GPAM: variants seen among roughly 807,000 people sequenced by gnomAD.
The protein encoded by GPAM is glycerol-3-phosphate acyltransferase, mitochondrial.
Under a neutral mutation model 105.0 loss-of-function variants are expected in GPAM, and 56 were observed. The observed-to-expected ratio is 0.53, with a 90% CI of 0.43 to 0.67. The LOEUF is 0.67. GPAM is among the 30% of genes least tolerant of loss of function. The pLI is 0.00. For synonymous variants in GPAM, 368 were observed against 354.4 expected, an observed-to-expected ratio of 1.04 and a Z score of -0.43; for missense variants, 855 against 989.8, an observed-to-expected ratio of 0.86 and a Z score of 1.83.
At chr10:112,174,526 T>C (rs543253775) in intron 6 of GPAM, among the ~76,000 whole-genome samples, 1 of 152,326 alleles carries the variant, frequency 6.6e-6, no homozygotes, top group South Asian at 2.1e-4. Flanking sequence ...TCCCAGTTAC[T>C]AGTCAAAACA....
chr10:112,174,308 T>C (rs182031088), intron 6 of GPAM, among the ~76,000 whole-genome samples: 146 of 152,316 alleles, frequency 9.6e-4, no homozygotes, highest in African/African-American at 3.4e-3. Flanking sequence ...TGTAAAACTC[T>C]GGGAGGGACC....
intron 1 of GPAM, among the ~76,000 whole-genome samples, chr10:112,208,676 G>A (rs754405323): frequency 3.3e-5 from 5 of 152,042 alleles, no homozygotes; most frequent in Admixed American, 6.5e-5. Context: ...AATGCTTCTC[G>A]GACTCTGAGC....
rs10528337 is a variant in GPAM at position 112,200,167 on chromosome 10, A to AATATATAT, written n.210+14993_210+15000dup. ...ACACATATTTACACATTGTAAAGGA[A>AATATATAT]ATATATATATATATATATATATATA... On this transcript the variant is annotated intron_variant and non_coding_transcript_variant, in intron 1 of 3. Transcript: ENST00000480130. 4.0e-3 allele frequency among the ~76,000 whole-genome samples: 347 copies of AATATATAT among 87,152 alleles called. 1 individual carries two copies. Among genetic ancestry groups the AATATATAT allele is most frequent in the Non-Finnish European group, 5.1e-3 (205 of 40,192 alleles). The allele number at this position is 87,152 out of a possible 152,430, so 57.2% of individuals were successfully genotyped here.
Position 112,163,746 on chromosome 10 carries a change from G to C in GPAM, c.1378C>G (p.Leu460Val), listed in dbSNP as rs149471678. 1,019 of 1,601,346 alleles carry C rather than the reference G, an allele frequency of 6.4e-4. 6 individuals are homozygous for C. In the African/African-American group the frequency reaches 0.011, roughly 18 times the overall value. ...NESRNATDES[L>V]RRRLIANLAE... ...AGATTTGCAATCAACCTCCTTCGTA[G>C]GGATTCATCTGTTGCATTTCTGGAC... The change falls in exon 14 of 22, where the codon CTA becomes GTA. Residue 460 changes from leucine (L) to valine (V), a missense_variant. Coordinates refer to ENST00000348367, the MANE Select transcript of GPAM (RefSeq NM_001244949.2).
intron 1 of GPAM, among the ~76,000 whole-genome samples, chr10:112,214,812 C>G (rs1847950563): frequency 6.6e-6 from 1 of 152,144 alleles, no homozygotes. Context: ...CATAAACTGT[C>G]CAAAACCTTC....
In GPAM at chr10:112,151,409, C is replaced by A; in HGVS notation, c.*2141G>T. On this transcript the variant is annotated 3_prime_UTR_variant, in exon 22 of 22. Coordinates refer to ENST00000348367, the MANE Select transcript of GPAM (RefSeq NM_001244949.2). ...TCAAAGGTCAGCTTGTCTGGATGAG[C>A]ATAACTTTGGTTGAGATTTTTCTCC... is the stretch of plus-strand genomic sequence containing the variant. 1.0e-6 allele frequency: 1 copy of A among 985,766 alleles called. No homozygotes were observed. The highest frequency in any genetic ancestry group is 4.7e-5 in the South Asian group (1 of 21,280). The allele number at this position is 985,766 out of a possible 1,614,324, so 61.1% of individuals were successfully genotyped here.
At chr10:112,174,138 C>T (rs1009497560) in intron 6 of GPAM, among the ~76,000 whole-genome samples, 12 of 151,838 alleles carry the variant, frequency 7.9e-5, no homozygotes, top group Non-Finnish European at 1.2e-4. Flanking sequence ...ATGAGGGACA[C>T]GAAATTGTAC....
chr10:112,153,698 A>G, intron 21 of GPAM, 32 bp from the exon 22 acceptor site: 1 of 1,598,576 alleles, frequency 6.3e-7, no homozygotes, highest in Non-Finnish European at 8.5e-7. Context: ...AATTAAAGGC[A>G]AAAAATAAAA....
At chr10:112,172,650 CTTA>C (rs1393862042) in intron 8 of GPAM, among the ~76,000 whole-genome samples, 3 of 152,176 alleles carry the variant, frequency 2.0e-5, no homozygotes, top group African/African-American at 4.8e-5. Context: ...GGGCAAGTCA[CTTA>C]TTATCTGCCA....
At chr10:112,216,561 T>G (rs1847971041), upstream of GPAM, among the ~76,000 whole-genome samples, 1 of 152,206 alleles carries the variant, frequency 6.6e-6, no homozygotes, top group African/African-American at 2.4e-5. Flanking sequence ...GGGCTCCTAC[T>G]GGGGAAAGGA....
chr10:112,172,640 G>A (rs1022475968), intron 8 of GPAM, among the ~76,000 whole-genome samples: 3 of 152,168 alleles, frequency 2.0e-5, no homozygotes, highest in Non-Finnish European at 2.9e-5. Context: ...TTGAAATCCA[G>A]GGCAAGTCAC....
chr10:112,167,525 T>C (rs1847239202), intron 11 of GPAM, among the ~76,000 whole-genome samples: 1 of 152,232 alleles, frequency 6.6e-6, no homozygotes, highest in Non-Finnish European at 1.5e-5. Flanking sequence ...ACTGGAATAC[T>C]ACACAGCTAT....
At chr10:112,194,181 T>C (rs1341165267) in intron 1 of GPAM, among the ~76,000 whole-genome samples, 1 of 152,184 alleles carries the variant, frequency 6.6e-6, no homozygotes, top group Non-Finnish European at 1.5e-5. Flanking sequence ...AAAGAGAGTG[T>C]AGTAAGCTGT....
At chr10:112,153,833 T>C in intron 21 of GPAM, 167 bp from the exon 22 acceptor site, 1 of 667,832 alleles carries the variant, frequency 1.5e-6, no homozygotes, top group South Asian at 1.9e-5. Context: ...GAGCATGAGG[T>C]GGGAGTTTCC....
At chr10:112,173,281 T>C (rs1847345157) in intron 7 of GPAM, among the ~76,000 whole-genome samples, 1 of 152,120 alleles carries the variant, frequency 6.6e-6, no homozygotes, top group Non-Finnish European at 1.5e-5. Flanking sequence ...TACAGAAGTA[T>C]CCATTTATTA....
At chr10:112,178,803 C>T (rs945447275) in intron 4 of GPAM, among the ~76,000 whole-genome samples, 1 of 152,040 alleles carries the variant, frequency 6.6e-6, no homozygotes, top group Non-Finnish European at 1.5e-5. Context: ...AAACTAAGAC[C>T]GGGAGAGGTT....
chr10:112,203,724 G>A (rs1453614040), intron 1 of GPAM, among the ~76,000 whole-genome samples: 1 of 152,186 alleles, frequency 6.6e-6, no homozygotes, highest in African/African-American at 2.4e-5. Flanking sequence ...CATACACTCT[G>A]TTATTTAATT....
At chr10:112,217,753 C>G (rs1847985397), upstream of GPAM, among the ~76,000 whole-genome samples, 1 of 152,154 alleles carries the variant, frequency 6.6e-6, no homozygotes, top group South Asian at 2.1e-4. Flanking sequence ...AGATGAGGTG[C>G]TGGAGAATCA....
In GPAM at chr10:112,151,169, G is replaced by A. The variant is rs1442770111; in HGVS notation, c.*2381C>T. On this transcript the variant is annotated 3_prime_UTR_variant, in exon 22 of 22. Transcript: ENST00000348367. ...CCCTGAAGAAGGGCATGCATTTCATGTTACAGAAATGCGATAGAGTAAACT... is the reference window on the plus strand; with the variant it reads ...CCCTGAAGAAGGGCATGCATTTCATATTACAGAAATGCGATAGAGTAAACT... 1 of 979,578 alleles carries A rather than the reference G, an allele frequency of 1.0e-6. No individual in the cohort carries two copies. The highest frequency in any genetic ancestry group is 1.1e-4 in the East Asian group (1 of 8,784). The allele number at this position is 979,578 out of a possible 1,614,324, so 60.7% of individuals were successfully genotyped here.
Sources: allele counts gnomAD v4.1 joint callset (sites outside exome capture counted in the v4.1 genomes callset), GRCh38; gene constraint gnomAD v4.1.1; transcripts MANE v1.5; gene names NCBI Gene and HGNC (gene_info 2026-07-23, HGNC 2026-07-21).